The following MYH1 variants were observed in gnomAD, a reference collection of about 807,000 sequenced individuals.
MYH1 encodes myosin heavy chain 1.
MYH1 carries 214 observed loss-of-function variants against 225.6 expected under a neutral mutation model. The ratio of observed to expected loss-of-function variants is 0.95; its 90% CI spans 0.85 to 1.06. MYH1 has a LOEUF of 1.06. MYH1 is among the 50% of genes least tolerant of loss of function. The probability of loss-of-function intolerance (pLI) is 0.00; values close to 1 mark genes in which losing one functional copy is unlikely to be tolerated. For missense variants in MYH1, 2,098 were observed against 2,344.2 expected (o/e 0.89, Z 2.17); for synonymous variants, 774 against 842.3 (o/e 0.92, Z 1.40).
Position 10,500,612 on chromosome 17 carries a change from G to A in MYH1, c.3865+14C>T, listed in dbSNP as rs201795648. 9.0e-5 allele frequency: 145 copies of A among 1,612,652 alleles called. No homozygotes were observed. The highest frequency in any genetic ancestry group is 1.9e-5 in the Non-Finnish European group (23 of 1,180,004). Reference sequence around the variant, plus strand: ...GAATTTGTCATTCAAGGTCAGTACTGGTACATGGCCCACCTGATTCTGTTT... The same window carrying A: ...GAATTTGTCATTCAAGGTCAGTACTAGTACATGGCCCACCTGATTCTGTTT... On this transcript the variant is annotated intron_variant, in intron 28 of 39. Transcript: ENST00000226207.
intron 39 of MYH1, among the ~76,000 whole-genome samples, chr17:10,493,461 A>G (rs1047257723): frequency 1.1e-4 from 16 of 152,228 alleles, no homozygotes; most frequent in African/African-American, 3.1e-4. Flanking sequence ...ATTTATATGT[A>G]GGAAGTTGAA....
Position 10,498,999 on chromosome 17 carries a change from T to C in MYH1, c.3959A>G (p.Lys1320Arg), listed in dbSNP as rs2073025367. ...CTTTATCTCCTCTTCAAGTTGCCTT[T>C]TCAGTTCCTCAATCTGTTGTGTAAA... The part of the protein sequence containing the change: ...QAFTQQIEEL[K>R]RQLEEEIKAK... The change falls in exon 29 of 40, where the codon AAA becomes AGA. Residue 1320 changes from lysine to arginine, a missense_variant. Coordinates refer to ENST00000226207, the MANE Select transcript of MYH1 (RefSeq NM_005963.4). 1 of 1,613,874 alleles carries C rather than the reference T, an allele frequency of 6.2e-7. No homozygotes were observed. The highest frequency in any genetic ancestry group is 2.2e-5 in the East Asian group (1 of 44,888).
chr17:10,509,393 A>T, intron 15 of MYH1, 92 bp downstream of exon 15: 1 of 1,574,668 alleles, frequency 6.4e-7, no homozygotes, highest in South Asian at 1.2e-5. Flanking sequence ...CACAAGTAGA[A>T]ATATTTAGCC....
chr17:10,505,464 T>C lies in MYH1; in HGVS notation c.2222A>G (p.Asp741Gly), dbSNP rs1365795333. The change falls in exon 20 of 40, where the codon GAT becomes GGT. Residue 741 changes from aspartate to glycine, a missense_variant. Transcript: ENST00000226207. Reference sequence around the variant, plus strand: ...GAGCTTCTCTGAAGCCTTCTTGCTATCGATGAATTGTCCTTCAGGGATAGC... The same window carrying C: ...GAGCTTCTCTGAAGCCTTCTTGCTACCGATGAATTGTCCTTCAGGGATAGC... ...ASAIPEGQFI[D>G]SKKASEKLLG... 1 of 1,614,212 alleles carries C rather than the reference T, an allele frequency of 6.2e-7. No individual in the cohort carries two copies. The highest frequency in any genetic ancestry group is 1.7e-5 in the Admixed American group (1 of 60,032).
chr17:10,511,270 GT>G (rs1413505683), intron 14 of MYH1, among the ~76,000 whole-genome samples: 2 of 151,750 alleles, frequency 1.3e-5, no homozygotes, highest in Non-Finnish European at 2.9e-5. Flanking sequence ...ACAAATTTGA[GT>G]TTATTTACGA....
At chr17:10,514,172 A>G in intron 6 of MYH1, 48 bp from the exon 7 acceptor site, 1 of 1,593,014 alleles carries the variant, frequency 6.3e-7, no homozygotes. Context: ...GACAAATGAA[A>G]CTACAACTAC....
In MYH1 at chr17:10,500,662, G is replaced by A. The variant is rs1046776641; in HGVS notation, c.3829C>T (p.Leu1277Phe). ...TGCAGGCGCGCTCTCTGTGCTGTGA[G>A]GTCATTGATCAGCCGCTGCTGCTCC... is the stretch of plus-strand genomic sequence containing the variant. The part of the protein sequence containing the change: ...EEEQQRLIND[L>F]TAQRARLQTE... Residue 1277 changes from leucine to phenylalanine, a missense_variant, in exon 28 of 40, where the codon CTC (leucine) becomes TTC (phenylalanine). Leu to Phe is a conservative substitution (Grantham distance 22, BLOSUM62 0). Transcript: ENST00000226207. 5 of 1,613,832 alleles carry A rather than the reference G, an allele frequency of 3.1e-6. No homozygotes were observed. The African/African-American group carries it at 6.7e-5, about 22-fold the overall frequency.
At chr17:10,497,570 A>G in intron 31 of MYH1, 118 bp from the exon 32 acceptor site, 2 of 1,483,068 alleles carry the variant, frequency 1.3e-6, no homozygotes, top group East Asian at 2.4e-5. Context: ...ATTATGAATG[A>G]GAAGAATAGA....
Position 10,505,924 on chromosome 17 carries a change from T to A in MYH1, c.2062A>T (p.Met688Leu). The A allele has an allele frequency of 6.2e-7, 1 of 1,614,172 alleles. No individual in the cohort carries two copies. Among genetic ancestry groups the A allele is most frequent in the Non-Finnish European group, 8.5e-7 (1 of 1,180,014 alleles). The change falls in exon 19 of 40, where the codon ATG becomes TTG. Residue 688 changes from methionine to leucine, a missense_variant. By Grantham distance (15) the Met-to-Leu change is conservative. Transcript: ENST00000226207. Reference sequence around the variant, plus strand: ...TGATGCAGGACAAGCTCATGCTCCATGGCACCTAAAAGAATGAATCCACAT... The same window carrying A: ...TGATGCAGGACAAGCTCATGCTCCAAGGCACCTAAAAGAATGAATCCACAT... The part of the protein sequence containing the change: ...IPNETKTPGA[M>L]EHELVLHQLR...
rs143132059 is a variant in MYH1, at chr17:10,501,176, C to T, written c.3672G>A (p.Glu1224=). 528 of 1,614,110 alleles carry T rather than the reference C, an allele frequency of 3.3e-4. 2 individuals are homozygous for T. In the African/African-American group the frequency reaches 6.3e-3, roughly 19 times the overall value. ...LQRVKQKLEK[E]KSEMKMEIDD... ...CGATCTCCATCTTCATCTCACTCTT[C>T]TCCTTCTCCAGCTTCTGCTTCACTC... is the stretch of plus-strand genomic sequence containing the variant. Residue 1224 remains glutamate (E), a synonymous_variant, in exon 27 of 40, where the codon GAG becomes GAA. Transcript: ENST00000226207.
At chr17:10,515,859 T>A in intron 5 of MYH1, 67 bp downstream of exon 5, 1 of 1,609,544 alleles carries the variant, frequency 6.2e-7, no homozygotes. Flanking sequence ...AGGTCTTTTT[T>A]TAGTTCTAAT....
Position 10,501,098 on chromosome 17 carries a change from T to A in MYH1, c.3738+12A>T. ...AAAAAACCAAATAATCAATGTGAAG[T>A]GTTGATTGTACCTTGGCTTTGGAGA... On this transcript the variant is annotated intron_variant, in intron 27 of 39. Transcript: ENST00000226207. The A allele has an allele frequency of 6.2e-7, 1 of 1,611,872 alleles. No homozygotes were observed. The highest frequency in any genetic ancestry group is 8.5e-7 in the Non-Finnish European group (1 of 1,178,146).
intron 9 of MYH1, among the ~76,000 whole-genome samples, chr17:10,513,180 A>G (rs1474742499): frequency 6.6e-6 from 1 of 152,148 alleles, no homozygotes; most frequent in Non-Finnish European, 1.5e-5. Context: ...CAAGATATTC[A>G]CTTCTCATAC....
intron 16 of MYH1, 59 bp from the exon 17 acceptor site, chr17:10,508,015 T>TTG: frequency 2.2e-6 from 3 of 1,342,852 alleles, no homozygotes; most frequent in Non-Finnish European, 3.1e-6. Context: ...GTTTTTTTTT[T>TTG]TTGTTTTTTT....
At chr17:10,495,862 T>C (rs535130494) in intron 35 of MYH1, 88 bp downstream of exon 35, 2 of 1,484,860 alleles carry the variant, frequency 1.3e-6, no homozygotes, top group African/African-American at 2.8e-5. Context: ...TGAAATCTTA[T>C]AAATAGATTT....
chr17:10,504,450 A>G, intron 22 of MYH1, among the ~76,000 whole-genome samples: 1 of 152,258 alleles, frequency 6.6e-6, no homozygotes, highest in South Asian at 2.1e-4. Flanking sequence ...ATGTGTTTTC[A>G]TCAAAGTCTC....
At position 10,495,304 on chromosome 17, in the gene MYH1, A is replaced by T. The variant is rs371788103; in HGVS notation, c.5183T>A (p.Ile1728Asn). The change falls in exon 36 of 40, where the codon ATC (isoleucine) becomes AAC (asparagine). Residue 1728 changes from isoleucine to asparagine, a missense_variant. By Grantham distance (149) the Ile-to-Asn change is moderately radical (BLOSUM62 -3). Coordinates refer to ENST00000226207, the MANE Select transcript of MYH1 (RefSeq NM_005963.4). ...QLLHTQNTSL[I>N]NTKKKLETDI... The stretch of plus-strand genomic sequence containing the variant: ...TGTCTCCAGCTTCTTCTTGGTGTTG[A>T]TCAGGCTGGTGTTCTGTTTAAAATG... 5 of 1,614,000 alleles carry T rather than the reference A, an allele frequency of 3.1e-6. No individual in the cohort carries two copies. The highest frequency in any genetic ancestry group is 4.2e-6 in the Non-Finnish European group (5 of 1,180,038).
At position 10,508,359 on chromosome 17, in the gene MYH1, T is replaced by G; in HGVS notation, c.1897+4A>C. 1 of 1,592,236 alleles carries G rather than the reference T, an allele frequency of 6.3e-7. No homozygotes were observed. The highest frequency in any genetic ancestry group is 8.5e-7 in the Non-Finnish European group (1 of 1,170,526). On this transcript the variant is annotated splice_donor_region_variant and intron_variant, in intron 16 of 39. Coordinates refer to ENST00000226207, the MANE Select transcript of MYH1 (RefSeq NM_005963.4). ...GGTAAAAGATTAATTATATTGATAA[T>G]TACCTGCTTCCGCTCCCGTTGCCCC...
Position 10,501,032 on chromosome 17 carries a change from G to C in MYH1, c.3738+78C>G, listed in dbSNP as rs374375889. ...GGGTGCCTGATTTAGTTCATGAGAC[G>C]TTTTTGAGATACAAATCATATTTGT... On this transcript the variant is annotated intron_variant, in intron 27 of 39. Coordinates refer to ENST00000226207, the MANE Select transcript of MYH1 (RefSeq NM_005963.4). 5.1e-6 allele frequency: 8 copies of C among 1,574,772 alleles called. No homozygotes were observed. In the African/African-American group the frequency reaches 9.5e-5, roughly 19 times the overall value.
Sources: allele counts gnomAD v4.1 joint callset (sites outside exome capture counted in the v4.1 genomes callset), GRCh38; gene constraint gnomAD v4.1.1; transcripts MANE v1.5; gene names NCBI Gene and HGNC (gene_info 2026-07-23, HGNC 2026-07-21).